The following TNIP3 variants were observed in gnomAD, a reference collection of about 807,000 sequenced individuals.
TNIP3 encodes TNFAIP3-interacting protein 3.
Under a neutral mutation model 54.1 loss-of-function variants are expected in TNIP3, and 34 were observed. The ratio of observed to expected loss-of-function variants is 0.63; its 90% CI spans 0.48 to 0.84. The LOEUF (loss-of-function observed/expected upper bound fraction) is 0.84, where lower values mean the gene tolerates loss of function less well. TNIP3 is among the 40% of genes least tolerant of loss of function. The pLI, the probability that TNIP3 is intolerant of heterozygous loss-of-function variation, is 0.00. For synonymous variants in TNIP3, 134 were observed against 136.8 expected, an observed-to-expected ratio of 0.98 and a Z score of 0.14; for missense variants, 366 against 387.6, an observed-to-expected ratio of 0.94 and a Z score of 0.47.
chr4:121,136,933 A>T (rs1017799094), intron 10 of TNIP3, among the ~76,000 whole-genome samples: 1 of 151,506 alleles, frequency 6.6e-6, no homozygotes, highest in Non-Finnish European at 1.5e-5. Flanking sequence ...ATCTGTAGAC[A>T]CTGTTACATG....
intron 1 of TNIP3, among the ~76,000 whole-genome samples, chr4:121,223,122 T>C (rs1310468383): frequency 6.6e-6 from 1 of 152,184 alleles, no homozygotes; most frequent in Non-Finnish European, 1.5e-5. Flanking sequence ...TTTGTTTTTA[T>C]GAGAATATGC....
chr4:121,168,169 G>A (rs1002702206), upstream of TNIP3, among the ~76,000 whole-genome samples: 1 of 152,040 alleles, frequency 6.6e-6, no homozygotes, highest in Admixed American at 6.6e-5. Flanking sequence ...AGTTTAATAA[G>A]CAAGTGGCAA....
chr4:121,132,574 A>G lies in TNIP3; in HGVS notation c.*57T>C. 1 of 1,517,972 alleles carries G rather than the reference A, an allele frequency of 6.6e-7. No homozygotes were observed. Among genetic ancestry groups the G allele is most frequent in the Admixed American group, 1.7e-5 (1 of 59,246 alleles). The allele number at this position is 1,517,972 out of a possible 1,614,324, so 94.0% of individuals were successfully genotyped here. On this transcript the variant is annotated 3_prime_UTR_variant, in exon 11 of 11. Transcript: ENST00000057513. ...ACAAGCCTCAGTATAAACAAAGAAG[A>G]GGGTCCTCAGCCACGCTCCCTCGTT...
At chr4:121,164,024 A>C (rs760268325) in intron 1 of TNIP3, 36 bp downstream of exon 1, 2 of 1,611,702 alleles carry the variant, frequency 1.2e-6, no homozygotes, top group South Asian at 2.2e-5. Context: ...TCAATGCTAG[A>C]TGTGATCAAC....
chr4:121,154,550 C>G lies in TNIP3; in HGVS notation c.492+1G>C. On this transcript the variant is annotated splice_donor_variant, in intron 5 of 10. Transcript: ENST00000057513. LOFTEE classifies it high-confidence loss of function. ...TCTCCCATGCTTGACCTGACTGATA[C>G]CTTATTGAGGCGTTTTATTTCACAT... 1 of 1,613,590 alleles carries G rather than the reference C, an allele frequency of 6.2e-7. No individual in the cohort carries two copies. The highest frequency in any genetic ancestry group is 8.5e-7 in the Non-Finnish European group (1 of 1,179,868).
intron 2 of TNIP3, 74 bp from the exon 3 acceptor site, chr4:121,158,826 T>C (rs1203876191): frequency 1.6e-6 from 2 of 1,224,058 alleles, no homozygotes; most frequent in Non-Finnish European, 2.4e-6. Context: ...AAGAAATTAC[T>C]TTCTGAGCTT....
At chr4:121,164,412 A>C, upstream of TNIP3, 1 of 1,093,828 alleles carries the variant, frequency 9.1e-7, no homozygotes, top group Non-Finnish European at 1.2e-6. Flanking sequence ...GGCCGTGACT[A>C]AGACCTGGGG....
At chr4:121,183,374 G>A (rs1441016502) in intron 2 of TNIP3, among the ~76,000 whole-genome samples, 1 of 152,224 alleles carries the variant, frequency 6.6e-6, no homozygotes, top group Non-Finnish European at 1.5e-5. Flanking sequence ...GTATCTGGAA[G>A]CCCCCTTAGG....
At chr4:121,134,727 C>T (rs1037554438) in intron 10 of TNIP3, among the ~76,000 whole-genome samples, 15 of 152,200 alleles carry the variant, frequency 9.9e-5, no homozygotes, top group Admixed American at 8.5e-4. Flanking sequence ...CCATGGTACT[C>T]AGCACCTACC....
chr4:121,142,520 A>G (rs1203930825), intron 8 of TNIP3, among the ~76,000 whole-genome samples: 1 of 152,232 alleles, frequency 6.6e-6, no homozygotes, highest in Non-Finnish European at 1.5e-5. Context: ...AACATGCTCT[A>G]TAAAGCATAT....
At chr4:121,218,114 A>G (rs990285956), upstream of TNIP3, among the ~76,000 whole-genome samples, 13 of 152,200 alleles carry the variant, frequency 8.5e-5, no homozygotes, top group Admixed American at 1.3e-4. Context: ...TTAGATACTG[A>G]TATATTTTAA....
intron 2 of TNIP3, among the ~76,000 whole-genome samples, chr4:121,189,457 G>A (rs1268302438): frequency 6.6e-6 from 1 of 152,198 alleles, no homozygotes; most frequent in African/African-American, 2.4e-5. Context: ...TAATCAAGCA[G>A]CAATTTTCAG....
At chr4:121,133,008 C>T (rs965973971) in intron 10 of TNIP3, among the ~76,000 whole-genome samples, 2 of 151,964 alleles carry the variant, frequency 1.3e-5, no homozygotes, top group Admixed American at 6.6e-5. Flanking sequence ...CAGTACTTAC[C>T]CCAGAGAAAG....
At chr4:121,227,127 GCTAA>G (rs1452105250) in intron 1 of TNIP3, among the ~76,000 whole-genome samples, 2 of 152,048 alleles carry the variant, frequency 1.3e-5, no homozygotes, top group African/African-American at 2.4e-5. Context: ...GCACAAAGGG[GCTAA>G]CTAACAAAAG....
intron 9 of TNIP3, among the ~76,000 whole-genome samples, chr4:121,140,780 G>T (rs1037357557): frequency 1.3e-5 from 2 of 152,154 alleles, no homozygotes; most frequent in Non-Finnish European, 2.9e-5. Flanking sequence ...AAAAGGAAAA[G>T]GGGGAGGGAG....
intron 3 of TNIP3, among the ~76,000 whole-genome samples, chr4:121,171,523 G>A (rs1416625807): frequency 6.6e-6 from 1 of 152,110 alleles, no homozygotes. Context: ...CTGAATCAAG[G>A]CATAAAAACT....
At chr4:121,188,169 C>A (rs1725120003) in intron 2 of TNIP3, among the ~76,000 whole-genome samples, 1 of 152,070 alleles carries the variant, frequency 6.6e-6, no homozygotes, top group Non-Finnish European at 1.5e-5. Context: ...TTATTTTAAA[C>A]TTACATGGAC....
chr4:121,191,436 A>T (rs993804925), intron 2 of TNIP3, among the ~76,000 whole-genome samples: 4 of 152,202 alleles, frequency 2.6e-5, no homozygotes, highest in African/African-American at 9.7e-5. Flanking sequence ...TTTTATTGTT[A>T]GTTTTCTTGG....
intron 6 of TNIP3, among the ~76,000 whole-genome samples, chr4:121,149,290 T>C (rs1319733072): frequency 6.6e-6 from 1 of 152,210 alleles, no homozygotes; most frequent in African/African-American, 2.4e-5. Flanking sequence ...AATTGCTAAG[T>C]GGTGCCATCC....
Sources: allele counts gnomAD v4.1 joint callset (sites outside exome capture counted in the v4.1 genomes callset), GRCh38; gene constraint gnomAD v4.1.1; transcripts MANE v1.5; gene names NCBI Gene and HGNC (gene_info 2026-07-23, HGNC 2026-07-21).